The following ME1 variants were observed in gnomAD, a reference collection of about 807,000 sequenced individuals.
ME1 encodes malic enzyme 1.
ME1 carries 74 observed loss-of-function variants against 66.4 expected under a neutral mutation model. The ratio of observed to expected loss-of-function variants is 1.11; its 90% CI spans 0.92 to 1.35. ME1 has a LOEUF of 1.35. ME1 is among the 40% of genes most tolerant of loss of function. The probability of loss-of-function intolerance (pLI) is 0.00; values close to 1 mark genes in which losing one functional copy is unlikely to be tolerated. For synonymous variants in ME1, 251 were observed against 235.6 expected, an observed-to-expected ratio of 1.07 and a Z score of -0.60; for missense variants, 750 against 694.1, an observed-to-expected ratio of 1.08 and a Z score of -0.90.
At chr6:83,242,735 A>G (rs1284831792) in intron 7 of ME1, among the ~76,000 whole-genome samples, 1 of 152,170 alleles carries the variant, frequency 6.6e-6, no homozygotes, top group Non-Finnish European at 1.5e-5. Flanking sequence ...CTAAGAGAAA[A>G]GGGTAGCAAA....
chr6:83,398,921 G>C (rs2128550802), intron 2 of ME1, among the ~76,000 whole-genome samples: 1 of 152,234 alleles, frequency 6.6e-6, no homozygotes, highest in African/African-American at 2.4e-5. Context: ...GGCCAACATG[G>C]TGAAACCCCA....
chr6:83,426,963 TTATTA>T (rs1770384389), intron 1 of ME1, among the ~76,000 whole-genome samples: 1 of 152,228 alleles, frequency 6.6e-6, no homozygotes, highest in African/African-American at 2.4e-5. Flanking sequence ...CATGATTATT[TTATTA>T]TGTGTAGAAT....
intron 1 of ME1, among the ~76,000 whole-genome samples, chr6:83,417,247 T>A (rs902103141): frequency 6.6e-6 from 1 of 152,204 alleles, no homozygotes; most frequent in African/African-American, 2.4e-5. Context: ...GGTCTCACTA[T>A]GTTGCCCTGA....
intron 1 of ME1, among the ~76,000 whole-genome samples, chr6:83,421,517 A>G (rs1448254249): frequency 6.6e-6 from 1 of 152,256 alleles, no homozygotes; most frequent in Non-Finnish European, 1.5e-5. Context: ...TGATAGCAGA[A>G]GAACTAAGGA....
chr6:83,243,471 T>G (rs1180225), intron 7 of ME1, among the ~76,000 whole-genome samples: 3 of 128,354 alleles, frequency 2.3e-5, no homozygotes, highest in Non-Finnish European at 4.6e-5. Flanking sequence ...TTTATATATT[T>G]ATATAATCTA....
chr6:83,318,833 G>A (rs1342459558), intron 5 of ME1, among the ~76,000 whole-genome samples: 1 of 104,232 alleles, frequency 9.6e-6, no homozygotes, highest in Non-Finnish European at 2.0e-5. Flanking sequence ...AAATCATGCT[G>A]CTATAAAGAC....
At chr6:83,333,855 AT>A (rs1241244148) in intron 5 of ME1, among the ~76,000 whole-genome samples, 1 of 152,230 alleles carries the variant, frequency 6.6e-6, no homozygotes, top group African/African-American at 2.4e-5. Context: ...TAGAAAAAAA[AT>A]ACTTGCCCCA....
intron 1 of ME1, among the ~76,000 whole-genome samples, chr6:83,409,785 T>A (rs920365573): frequency 6.6e-6 from 1 of 152,228 alleles, no homozygotes; most frequent in African/African-American, 2.4e-5. Flanking sequence ...CTAAGTGCTA[T>A]CACCACAGCT....
At chr6:83,282,683 T>C (rs1042936635) in intron 6 of ME1, among the ~76,000 whole-genome samples, 9 of 152,172 alleles carry the variant, frequency 5.9e-5, no homozygotes, top group African/African-American at 1.7e-4. Context: ...AGTTCAATCA[T>C]TGTGGAAAAC....
At chr6:83,363,457 G>C (rs1769043736) in intron 3 of ME1, among the ~76,000 whole-genome samples, 1 of 152,192 alleles carries the variant, frequency 6.6e-6, no homozygotes, top group Non-Finnish European at 1.5e-5. Flanking sequence ...ATTAGGGCTT[G>C]TCTTAGTACT....
chr6:83,236,249 TATC>T (rs1790401742), intron 9 of ME1, among the ~76,000 whole-genome samples: 1 of 152,194 alleles, frequency 6.6e-6, no homozygotes, highest in Non-Finnish European at 1.5e-5. Context: ...TGATAAACCA[TATC>T]ATTATTGTAA....
intron 9 of ME1, among the ~76,000 whole-genome samples, chr6:83,230,184 T>C (rs1421934815): frequency 6.6e-6 from 1 of 150,692 alleles, no homozygotes; most frequent in Non-Finnish European, 1.5e-5. Context: ...TTGTTTGTCT[T>C]TTTTTTTTGA....
chr6:83,331,883 A>C (rs1768418408), intron 5 of ME1, among the ~76,000 whole-genome samples: 2 of 152,242 alleles, frequency 1.3e-5, no homozygotes, highest in Admixed American at 1.3e-4. Context: ...ACAAGCAGGA[A>C]GGGAACACAA....
chr6:83,382,180 C>T (rs1486840739), intron 3 of ME1, among the ~76,000 whole-genome samples: 1 of 152,094 alleles, frequency 6.6e-6, no homozygotes, highest in East Asian at 1.9e-4. Context: ...TCATTTCCTT[C>T]ATAACACAAA....
chr6:83,234,322 A>G (rs1790356414), intron 9 of ME1, among the ~76,000 whole-genome samples: 1 of 152,098 alleles, frequency 6.6e-6, no homozygotes, highest in East Asian at 1.9e-4. Context: ...TACTATTTAC[A>G]TGGTGATGAC....
chr6:83,388,766 AC>A (rs1404026032), intron 3 of ME1, among the ~76,000 whole-genome samples: 1 of 152,162 alleles, frequency 6.6e-6, no homozygotes, highest in East Asian at 1.9e-4. Context: ...AAAGACTATC[AC>A]CAGCAAACTG....
intron 12 of ME1, among the ~76,000 whole-genome samples, chr6:83,222,555 T>C (rs1790114007): frequency 1.3e-5 from 2 of 152,248 alleles, no homozygotes; most frequent in South Asian, 4.1e-4. Flanking sequence ...CATCCATAAA[T>C]GGTTACCTGT....
chr6:83,404,479 T>C (rs1322263851), intron 2 of ME1, among the ~76,000 whole-genome samples: 1 of 152,368 alleles, frequency 6.6e-6, no homozygotes, highest in East Asian at 1.9e-4. Flanking sequence ...TAGTTTCTTT[T>C]GCTGTGCAGA....
intron 6 of ME1, among the ~76,000 whole-genome samples, chr6:83,312,226 C>T (rs1373604536): frequency 6.6e-6 from 1 of 152,136 alleles, no homozygotes; most frequent in Admixed American, 6.5e-5. Context: ...GACACTGATA[C>T]CTGGAGACTT....
Sources: gnomAD v4.1 joint callset for allele counts (sites outside exome capture counted in the v4.1 genomes callset) on GRCh38, gnomAD v4.1.1 for gene constraint, MANE v1.5 for transcripts, NCBI Gene and HGNC (gene_info 2026-07-23, HGNC 2026-07-21) for gene names.